The following PKHD1 variants were observed in gnomAD, a reference collection of about 807,000 sequenced individuals.
PKHD1 encodes PKHD1 ciliary IPT domain containing fibrocystin/polyductin, also known as fibrocystin.
PKHD1 carries 291 observed loss-of-function variants against 412.0 expected under a neutral mutation model. The observed-to-expected ratio is 0.71, with a 90% confidence interval of 0.64 to 0.78. The LOEUF is 0.78. Ranked by LOEUF, PKHD1 falls within the 30% of genes least tolerant of loss-of-function variation. PKHD1 has a pLI of 0.00. For synonymous variants in PKHD1, 1,777 were observed against 1,821.5 expected (o/e 0.98, Z 0.62); for missense variants, 4,825 against 4,950.7 (o/e 0.97, Z 0.76).
chr6:51,764,253 A>G (rs113525125), intron 55 of PKHD1, among the ~76,000 whole-genome samples: 42,602 of 143,340 alleles, frequency 0.3, 8,086 homozygotes, highest in East Asian at 0.68. Context: ...AGTGGGCGAA[A>G]GACATGAACA....
chr6:51,771,914 G>A (rs557125544), intron 55 of PKHD1, among the ~76,000 whole-genome samples: 2 of 152,108 alleles, frequency 1.3e-5, no homozygotes, highest in African/African-American at 4.8e-5. Context: ...AGGCTAGAAA[G>A]CTTGATGTTC....
At chr6:51,771,170 T>C (rs1790044238) in intron 55 of PKHD1, among the ~76,000 whole-genome samples, 1 of 149,602 alleles carries the variant, frequency 6.7e-6, no homozygotes, top group African/African-American at 2.5e-5. Context: ...ATACCTATTG[T>C]ATAATTTACA....
intron 51 of PKHD1, among the ~76,000 whole-genome samples, chr6:51,834,087 G>A: frequency 6.6e-6 from 1 of 152,168 alleles, no homozygotes. Context: ...TCTGCATGAA[G>A]AGGAGGCTAG....
intron 31 of PKHD1, among the ~76,000 whole-genome samples, chr6:52,027,350 G>A (rs1802352086): frequency 6.6e-6 from 1 of 151,816 alleles, no homozygotes; most frequent in South Asian, 2.1e-4. Flanking sequence ...TGGCCAACAT[G>A]GTGAAACCCC....
At chr6:51,757,581 TC>T (rs1787229003) in intron 55 of PKHD1, among the ~76,000 whole-genome samples, 1 of 152,096 alleles carries the variant, frequency 6.6e-6, no homozygotes, top group Admixed American at 6.6e-5. Context: ...GCCCAAAGCC[TC>T]CCCACTTTCT....
rs77976192 is a variant in PKHD1 at position 52,075,699 on chromosome 6, C to A, written c.448+577G>T. On this transcript the variant is annotated intron_variant, in intron 6 of 66. Transcript: ENST00000371117. ...GAGTTAATGACCTTCCAAGTGGCAT[C>A]CAATGCTGCTCAAAATATGACAGAA... is the stretch of plus-strand genomic sequence containing the variant. 3.5e-4 allele frequency among the ~76,000 whole-genome samples: 54 copies of A among 152,310 alleles called. No individual in the cohort carries two copies. In the East Asian group the frequency reaches 8.5e-3, roughly 24 times the overall value.
chr6:51,784,090 TTAAGTC>T (rs1269559476), intron 53 of PKHD1, among the ~76,000 whole-genome samples: 1 of 152,202 alleles, frequency 6.6e-6, no homozygotes, highest in Non-Finnish European at 1.5e-5. Flanking sequence ...AATGTTCTGA[TTAAGTC>T]TATCATATAA....
chr6:51,786,452 A>C (rs1006480859), intron 53 of PKHD1, among the ~76,000 whole-genome samples: 1 of 152,164 alleles, frequency 6.6e-6, no homozygotes, highest in African/African-American at 2.4e-5. Context: ...AAATATAATC[A>C]TGTCACTTCC....
At chr6:51,991,461 G>A (rs1294776769) in intron 35 of PKHD1, among the ~76,000 whole-genome samples, 1 of 152,012 alleles carries the variant, frequency 6.6e-6, no homozygotes, top group Admixed American at 6.5e-5. Context: ...TCTTTTCAAA[G>A]GATAACCTAC....
At chr6:51,733,612 T>TA (rs1783493720) in intron 60 of PKHD1, among the ~76,000 whole-genome samples, 1 of 152,008 alleles carries the variant, frequency 6.6e-6, no homozygotes, top group Non-Finnish European at 1.5e-5. Context: ...TAAGCCAGTC[T>TA]AAAAAGTGAA....
intron 40 of PKHD1, among the ~76,000 whole-genome samples, chr6:51,908,338 C>G (rs1224163124): frequency 6.6e-6 from 1 of 152,150 alleles, no homozygotes; most frequent in East Asian, 1.9e-4. Flanking sequence ...AGAATCCTAG[C>G]ATCTCTCAAA....
chr6:51,943,087 T>C (rs991287896), intron 36 of PKHD1, among the ~76,000 whole-genome samples: 5 of 151,566 alleles, frequency 3.3e-5, no homozygotes, highest in Non-Finnish European at 7.4e-5. Context: ...ATTCCTCAGT[T>C]TGGGCTTCCC....
chr6:51,929,475 T>C (rs2127749004), intron 37 of PKHD1, among the ~76,000 whole-genome samples: 1 of 151,054 alleles, frequency 6.6e-6, no homozygotes, highest in African/African-American at 2.4e-5. Context: ...CCAATATTCA[T>C]TGTTTAGGGA....
chr6:51,644,349 A>G (rs1769796621), intron 63 of PKHD1, among the ~76,000 whole-genome samples: 1 of 152,224 alleles, frequency 6.6e-6, no homozygotes, highest in African/African-American at 2.4e-5. Context: ...CAGAAATGGT[A>G]GGCAATGTGC....
At chr6:51,896,016 T>C (rs1779887626) in intron 43 of PKHD1, among the ~76,000 whole-genome samples, 1 of 152,174 alleles carries the variant, frequency 6.6e-6, no homozygotes, top group African/African-American at 2.4e-5. Context: ...CGGAGGGTCC[T>C]ATGCCCACGG....
intron 50 of PKHD1, among the ~76,000 whole-genome samples, chr6:51,842,662 G>A (rs1770429804): frequency 6.6e-6 from 1 of 152,154 alleles, no homozygotes; most frequent in African/African-American, 2.4e-5. Flanking sequence ...AAGAAGCATA[G>A]CCCTCCCTAG....
chr6:51,944,287 A>C (rs1403874929), intron 36 of PKHD1, among the ~76,000 whole-genome samples: 2 of 143,844 alleles, frequency 1.4e-5, no homozygotes, highest in East Asian at 2.0e-4. Flanking sequence ...TTACCTCCCC[A>C]AATCTTATAA....
intron 50 of PKHD1, among the ~76,000 whole-genome samples, chr6:51,838,881 T>C (rs1769692464): frequency 6.6e-6 from 1 of 152,232 alleles, no homozygotes; most frequent in Admixed American, 6.5e-5. Flanking sequence ...CTCATATGGC[T>C]ATTAGAAAGA....
At chr6:51,993,468 C>A (rs1268360995) in intron 35 of PKHD1, among the ~76,000 whole-genome samples, 11 of 152,204 alleles carry the variant, frequency 7.2e-5, no homozygotes, top group Admixed American at 7.2e-4. Context: ...TCCCGTGGGA[C>A]AGGCAATCAG....
Sources: gnomAD v4.1 joint callset for allele counts (sites outside exome capture counted in the v4.1 genomes callset) on GRCh38, gnomAD v4.1.1 for gene constraint, MANE v1.5 for transcripts, NCBI Gene and HGNC (gene_info 2026-07-23, HGNC 2026-07-21) for gene names.